The following ELOF1 variants were observed in gnomAD, a reference collection of about 807,000 sequenced individuals.
ELOF1 encodes the protein elongation factor 1, also known as transcription elongation factor 1 homolog.
In ELOF1, 4 loss-of-function variants were observed where a neutral mutation model predicts 7.1. That is an observed-to-expected ratio of 0.56 (90% CI 0.28 to 1.29). ELOF1 has a LOEUF of 1.29. ELOF1 is among the 50% of genes most tolerant of loss of function. ELOF1 has a pLI of 0.10. For missense variants in ELOF1, 59 were observed against 86.3 expected (o/e 0.68, Z 1.25); for synonymous variants, 31 against 31.9 (o/e 0.97, Z 0.09).
rs1972799835 is a variant in ELOF1 at position 11,554,547 on chromosome 19, G to A, written c.-18-182C>T. On this transcript the variant is annotated intron_variant, in intron 1 of 3. Coordinates refer to ENST00000586683, the Ensembl canonical transcript of ELOF1. ...ACAATTCCCTGTCCCACTCTGGATG[G>A]AAGGGGTGAGACGAGGCTCTAACCC... The A allele has an allele frequency of 3.5e-6, 3 of 850,332 alleles. No homozygotes were observed. The South Asian group carries it at 5.7e-5, about 16-fold the overall frequency. The allele number at this position is 850,332 out of a possible 1,614,324, so 52.7% of individuals were successfully genotyped here. A position where few individuals can be genotyped will look rare whatever the true frequency, so the allele number is the denominator to read the frequency against.
chr19:11,554,673 C>G (rs1972802081), intron 1 of ELOF1: 1 of 417,404 alleles, frequency 2.4e-6, no homozygotes, highest in African/African-American at 2.0e-5. Flanking sequence ...CATGGTGGCT[C>G]ACACCTGTGA....
chr19:11,553,512 G>A (rs1452788204), intron 3 of ELOF1: 2 of 615,418 alleles, frequency 3.2e-6, no homozygotes, highest in Non-Finnish European at 5.8e-6. Flanking sequence ...CACACTCACG[G>A]CCACCCCAGT....
At chr19:11,556,288 G>A (rs552599226) in intron 1 of ELOF1, among the ~76,000 whole-genome samples, 1 of 152,050 alleles carries the variant, frequency 6.6e-6, no homozygotes, top group Admixed American at 6.6e-5. Context: ...CACTTCCTAT[G>A]TAATACCCCC....
chr19:11,554,133 G>T, intron 2 of ELOF1, 52 bp from the exon 3 acceptor site: 1 of 1,614,132 alleles, frequency 6.2e-7, no homozygotes, highest in Non-Finnish European at 8.5e-7. Flanking sequence ...TGGGCCTGTG[G>T]GTGATGACGC....
intron 1 of ELOF1, 186 bp from the exon 2 acceptor site, chr19:11,554,551 G>T: frequency 1.2e-6 from 1 of 836,062 alleles, no homozygotes; most frequent in Non-Finnish European, 1.8e-6. Context: ...TGGATGGAAG[G>T]GGTGAGACGA....
intron 1 of ELOF1, among the ~76,000 whole-genome samples, chr19:11,556,644 A>C (rs1972839237): frequency 6.6e-6 from 1 of 152,110 alleles, no homozygotes; most frequent in South Asian, 2.1e-4. Context: ...CACTGAGTAA[A>C]TAGAAGCAAT....
exon 3 of ELOF1, chr19:11,554,069 G>A (rs775440532): frequency 7.4e-6 from 12 of 1,614,202 alleles, no homozygotes; most frequent in Non-Finnish European, 9.3e-6. Context: ...CTCCGGTGTT[G>A]CGGGCACGGT....
chr19:11,554,787 A>AG (rs1031353651), intron 1 of ELOF1: 2 of 171,658 alleles, frequency 1.2e-5, no homozygotes, highest in African/African-American at 4.8e-5. Context: ...AAAAAAAAAA[A>AG]ATTAAAAATT....
At position 11,556,456 on chromosome 19, in the gene ELOF1, C is replaced by T. The variant is rs575765364; in HGVS notation, c.-18-2091G>A. On this transcript the variant is annotated intron_variant, in intron 1 of 3. Coordinates refer to ENST00000586683, the Ensembl canonical transcript of ELOF1. ...CTGGGAGTACAGGCATGCACTACCA[C>T]GCGTGGCTAATTTTTTGTATTTTTA... 1.3e-4 allele frequency among the ~76,000 whole-genome samples: 20 copies of T among 152,100 alleles called. No individual in the cohort carries two copies. The South Asian group carries it at 3.1e-3, about 24-fold the overall frequency.
intron 1 of ELOF1, among the ~76,000 whole-genome samples, chr19:11,556,425 G>A (rs1361784144): frequency 3.3e-5 from 5 of 151,572 alleles, no homozygotes; most frequent in Admixed American, 6.6e-5. Flanking sequence ...TCAGCCTCCC[G>A]AGTAGCTGGG....
chr19:11,556,345 G>C (rs1477476853), intron 1 of ELOF1, among the ~76,000 whole-genome samples: 1 of 151,806 alleles, frequency 6.6e-6, no homozygotes, highest in African/African-American at 2.4e-5. Flanking sequence ...TGCCGCCCAG[G>C]CTGGAGTGCA....
chr19:11,555,476 G>C (rs559193930), intron 1 of ELOF1: 54 of 152,576 alleles, frequency 3.5e-4, no homozygotes, highest in Non-Finnish European at 6.3e-4. Context: ...CTAGGAACTG[G>C]TGATTTTATT....
At chr19:11,557,697 A>G (rs1235358196) in intron 1 of ELOF1, among the ~76,000 whole-genome samples, 2 of 151,556 alleles carry the variant, frequency 1.3e-5, no homozygotes, top group Non-Finnish European at 2.9e-5. Context: ...GTTCGAGACC[A>G]GCCTGACCAA....
intron 1 of ELOF1, among the ~76,000 whole-genome samples, chr19:11,558,441 A>C (rs578240045): frequency 8.4e-4 from 128 of 151,922 alleles, no homozygotes; most frequent in Non-Finnish European, 1.4e-3. Context: ...TAAATCACTC[A>C]ATCAGTTTGC....
chr19:11,557,518 C>T (rs1972850114), intron 1 of ELOF1, among the ~76,000 whole-genome samples: 1 of 149,832 alleles, frequency 6.7e-6, no homozygotes, highest in Admixed American at 6.7e-5. Context: ...ATCGCTTGAA[C>T]CTGGGAGTCG....
At chr19:11,555,260 A>T in intron 1 of ELOF1, 1 of 169,350 alleles carries the variant, frequency 5.9e-6, no homozygotes, top group Non-Finnish European at 1.3e-5. Context: ...CCGTCTCAAA[A>T]AAAAAAAAAA....
chr19:11,556,122 C>A (rs1045235359), intron 1 of ELOF1, among the ~76,000 whole-genome samples: 1 of 152,088 alleles, frequency 6.6e-6, no homozygotes, highest in Admixed American at 6.6e-5. Context: ...GTGCTCAGGG[C>A]ACTGTGTTTG....
intron 1 of ELOF1, 171 bp from the exon 2 acceptor site, chr19:11,554,536 C>T: frequency 2.1e-6 from 2 of 933,910 alleles, no homozygotes; most frequent in African/African-American, 1.7e-5. Context: ...TTCCCTGTCC[C>T]ACTCTGGATG....
intron 1 of ELOF1, chr19:11,554,924 A>C (rs1397627785): frequency 6.6e-6 from 1 of 152,440 alleles, no homozygotes; most frequent in Non-Finnish European, 1.5e-5. Context: ...ACTGCACTCC[A>C]GCCTAGGCAA....
Sources: gnomAD v4.1 joint callset for allele counts (sites outside exome capture counted in the v4.1 genomes callset) on GRCh38, gnomAD v4.1.1 for gene constraint, MANE v1.5 for transcripts, NCBI Gene and HGNC (gene_info 2026-07-23, HGNC 2026-07-21) for gene names.